Variants in AFAP1L1 observed in about 807,000 individuals in gnomAD.
AFAP1L1 encodes the protein actin filament associated protein 1 like 1, also known as actin filament-associated protein 1-like 1.
A neutral mutation model predicts 99.8 loss-of-function variants in AFAP1L1; 77 were observed. That is an observed-to-expected ratio of 0.77 (90% CI 0.64 to 0.93). AFAP1L1 has a LOEUF of 0.93. Ranked by LOEUF, AFAP1L1 falls within the 40% of genes least tolerant of loss-of-function variation. The pLI, the probability that AFAP1L1 is intolerant of heterozygous loss-of-function variation, is 0.00. For synonymous variants in AFAP1L1, 373 were observed against 395.3 expected (o/e 0.94, Z 0.67); for missense variants, 893 against 996.8 (o/e 0.90, Z 1.40).
intron 18 of AFAP1L1, among the ~76,000 whole-genome samples, chr5:149,338,314 T>C (rs759721799): frequency 1.1e-4 from 16 of 152,076 alleles, no homozygotes; most frequent in Non-Finnish European, 2.1e-4. Context: ...ACAAAAAAAT[T>C]AGCCGGGTGT....
intron 16 of AFAP1L1, among the ~76,000 whole-genome samples, chr5:149,331,076 T>C (rs1304222755): frequency 6.6e-6 from 1 of 152,136 alleles, no homozygotes; most frequent in Admixed American, 6.5e-5. Context: ...AACTGATTTT[T>C]AAACCTGGTA....
chr5:149,321,271 T>C (rs1199995612), intron 14 of AFAP1L1, among the ~76,000 whole-genome samples: 1 of 152,216 alleles, frequency 6.6e-6, no homozygotes, highest in Non-Finnish European at 1.5e-5. Context: ...CTTGAGGTTT[T>C]TCTCAGTTGC....
chr5:149,307,242 G>A lies in AFAP1L1; in HGVS notation c.536-160G>A, dbSNP rs955873010. 1.5e-4 allele frequency among the ~76,000 whole-genome samples: 23 copies of A among 151,668 alleles called. No individual in the cohort carries two copies. In the South Asian group the frequency reaches 2.5e-3, roughly 17 times the overall value. ...AGCCTGGGTGACAGAGCGAGATTCC[G>A]TCTCCAAAAAAAAAGTAGGGGCCTT... On this transcript the variant is annotated intron_variant, in intron 6 of 18. Coordinates refer to ENST00000296721, the MANE Select transcript of AFAP1L1 (RefSeq NM_152406.4).
At chr5:149,299,462 G>T in intron 1 of AFAP1L1, 47 bp from the exon 2 acceptor site, 1 of 1,609,154 alleles carries the variant, frequency 6.2e-7, no homozygotes. Flanking sequence ...CGGGCACAGA[G>T]CTGTGACTGT....
chr5:149,328,582 G>C (rs1447219889), intron 15 of AFAP1L1, among the ~76,000 whole-genome samples: 1 of 152,208 alleles, frequency 6.6e-6, no homozygotes, highest in Non-Finnish European at 1.5e-5. Flanking sequence ...GCTGAGGCAG[G>C]CTGATCACTT....
At chr5:149,309,909 C>T in intron 7 of AFAP1L1, 47 bp from the exon 8 acceptor site, 4 of 1,613,202 alleles carry the variant, frequency 2.5e-6, no homozygotes, top group Non-Finnish European at 2.5e-6. Flanking sequence ...TCTCCCTCCT[C>T]TACCCTCTAC....
intron 1 of AFAP1L1, among the ~76,000 whole-genome samples, chr5:149,275,764 C>G (rs1755299439): frequency 6.6e-6 from 1 of 152,208 alleles, no homozygotes; most frequent in Non-Finnish European, 1.5e-5. Flanking sequence ...CCTCAGCCTC[C>G]CAAAGTGCTG....
At chr5:149,275,678 T>C (rs1755296330) in intron 1 of AFAP1L1, among the ~76,000 whole-genome samples, 1 of 151,732 alleles carries the variant, frequency 6.6e-6, no homozygotes, top group Non-Finnish European at 1.5e-5. Flanking sequence ...GCTAATTTTT[T>C]TGTATTTTTA....
intron 1 of AFAP1L1, among the ~76,000 whole-genome samples, chr5:149,281,768 C>T (rs553306869): frequency 6.6e-6 from 1 of 152,200 alleles, no homozygotes; most frequent in East Asian, 1.9e-4. Flanking sequence ...GGGTTATCTC[C>T]AGGTTAGATA....
intron 2 of AFAP1L1, 33 bp downstream of exon 2, chr5:149,299,670 C>G: frequency 1.9e-6 from 3 of 1,613,540 alleles, no homozygotes; most frequent in Non-Finnish European, 2.5e-6. Context: ...GGAGGAGCTC[C>G]ACTTATGTAG....
chr5:149,293,275 C>T (rs904182390), intron 1 of AFAP1L1, among the ~76,000 whole-genome samples: 1 of 152,212 alleles, frequency 6.6e-6, no homozygotes, highest in African/African-American at 2.4e-5. Context: ...GAATCAGAAG[C>T]TTAGGAAAGT....
intron 1 of AFAP1L1, among the ~76,000 whole-genome samples, chr5:149,285,654 C>A (rs945547351): frequency 6.6e-6 from 1 of 152,158 alleles, no homozygotes. Flanking sequence ...GAAAGGGACA[C>A]CTATCTGCCT....
rs557065106 is a variant in AFAP1L1, at chr5:149,343,132, A to T, written c.*3102A>T. Among the ~76,000 whole-genome samples the T allele has an allele frequency of 6.6e-6, 1 of 152,288 alleles. No individual in the cohort carries two copies. Among genetic ancestry groups the T allele is most frequent in the East Asian group, 1.9e-4 (1 of 5,184 alleles). Reference sequence around the variant, plus strand: ...CCATATCACCCTTTTCATAAGGCCAAAAAGAAAATATAAGTTATTGGTCAT... The same window carrying T: ...CCATATCACCCTTTTCATAAGGCCATAAAGAAAATATAAGTTATTGGTCAT... On this transcript the variant is annotated 3_prime_UTR_variant, in exon 19 of 19. Coordinates refer to ENST00000296721, the MANE Select transcript of AFAP1L1 (RefSeq NM_152406.4).
chr5:149,276,243 T>C (rs751808503), intron 1 of AFAP1L1, among the ~76,000 whole-genome samples: 9 of 152,194 alleles, frequency 5.9e-5, no homozygotes, highest in Non-Finnish European at 8.8e-5. Flanking sequence ...CATAAAAAGC[T>C]CAGCATCAAA....
chr5:149,342,422 A>T lies in AFAP1L1; in HGVS notation c.*2392A>T, dbSNP rs141908365. Reference sequence around the variant, plus strand: ...ATAAGAAGTCTGACCCTAGAGCCTTATTCTTAATTTTAAAGCTCTATGTCA... The same window carrying T: ...ATAAGAAGTCTGACCCTAGAGCCTTTTTCTTAATTTTAAAGCTCTATGTCA... On this transcript the variant is annotated 3_prime_UTR_variant, in exon 19 of 19. Transcript: ENST00000296721. Among the ~76,000 whole-genome samples the T allele has an allele frequency of 8.5e-5, 13 of 152,292 alleles. No homozygotes were observed. The East Asian group carries it at 2.5e-3, about 29-fold the overall frequency.
rs1287244113 is a variant in AFAP1L1, at chr5:149,341,656, C to T, written c.*1626C>T. ...CCTGTAGTCCCAGCTACTCAGGAGG[C>T]TGAGGCAGGAGGACCGCTTGAGCCC... On this transcript the variant is annotated 3_prime_UTR_variant, in exon 19 of 19. Coordinates refer to ENST00000296721, the MANE Select transcript of AFAP1L1 (RefSeq NM_152406.4). 1 of 152,228 alleles carries T rather than the reference C, an allele frequency of 6.6e-6. No homozygotes were observed. Among genetic ancestry groups the T allele is most frequent in the Non-Finnish European group, 1.5e-5 (1 of 68,108 alleles). The allele number at this position is 152,228 out of a possible 1,614,324, so 9.4% of individuals were successfully genotyped here. A position where few individuals can be genotyped will look rare whatever the true frequency, so the allele number is the denominator to read the frequency against.
chr5:149,318,161 G>A (rs571880169), intron 12 of AFAP1L1, among the ~76,000 whole-genome samples: 2 of 152,290 alleles, frequency 1.3e-5, no homozygotes, highest in Non-Finnish European at 2.9e-5. Flanking sequence ...TACCTGAAAT[G>A]TTTTCATAAT....
intron 11 of AFAP1L1, among the ~76,000 whole-genome samples, chr5:149,316,668 C>G (rs1243748928): frequency 6.6e-6 from 1 of 152,070 alleles, no homozygotes; most frequent in Admixed American, 6.5e-5. Context: ...AGTAACAACC[C>G]ATATTATAGG....
In AFAP1L1 at chr5:149,278,900, A is replaced by G. The variant is rs116414844; in HGVS notation, c.16+6916A>G. Among the ~76,000 whole-genome samples the G allele has an allele frequency of 3.4e-3, 523 of 152,288 alleles. 5 individuals are homozygous for G. Among genetic ancestry groups the G allele is most frequent in the African/African-American group, 0.012 (489 of 41,562 alleles). On this transcript the variant is annotated intron_variant, in intron 1 of 18. Coordinates refer to ENST00000296721, the MANE Select transcript of AFAP1L1 (RefSeq NM_152406.4). ...CTTGCTACACTCACTCCTGTGAAGA[A>G]CTAAACCCCTCTATGAGAGTAACTC... is the stretch of plus-strand genomic sequence containing the variant.
Sources: allele counts gnomAD v4.1 joint callset (sites outside exome capture counted in the v4.1 genomes callset), GRCh38; gene constraint gnomAD v4.1.1; transcripts MANE v1.5; gene names NCBI Gene and HGNC (gene_info 2026-07-23, HGNC 2026-07-21).